The following ARMH3 variants were observed in gnomAD, a reference collection of about 807,000 sequenced individuals.
The protein encoded by ARMH3 is armadillo like helical domain containing 3, also known as armadillo-like helical domain-containing protein 3.
ARMH3 carries 60 observed loss-of-function variants against 99.1 expected under a neutral mutation model. The ratio of observed to expected loss-of-function variants is 0.61; its 90% CI spans 0.49 to 0.75. The LOEUF (loss-of-function observed/expected upper bound fraction) is 0.75, where lower values mean the gene tolerates loss of function less well. Among genes scored for constraint, ARMH3 ranks in the 30% least tolerant of loss-of-function variants. The pLI, the probability that ARMH3 is intolerant of heterozygous loss-of-function variation, is 0.00. For synonymous variants in ARMH3, 285 were observed against 292.8 expected (o/e 0.97, Z 0.27); for missense variants, 679 against 843.1 (o/e 0.81, Z 2.41).
chr10:101,961,638 A>G (rs1348590040), intron 20 of ARMH3, among the ~76,000 whole-genome samples: 1 of 152,150 alleles, frequency 6.6e-6, no homozygotes, highest in African/African-American at 2.4e-5. Flanking sequence ...TCAGGATCTC[A>G]GTGCCAACAC....
At chr10:101,953,541 C>G (rs1047945401) in intron 22 of ARMH3, among the ~76,000 whole-genome samples, 1 of 133,546 alleles carries the variant, frequency 7.5e-6, no homozygotes, top group East Asian at 2.7e-4. Context: ...CCGTGCCCAG[C>G]CTTTTTTTTT....
chr10:101,855,885 G>A (rs897324205), intron 24 of ARMH3, among the ~76,000 whole-genome samples: 2 of 151,766 alleles, frequency 1.3e-5, no homozygotes, highest in African/African-American at 2.4e-5. Flanking sequence ...CAGAAAGATT[G>A]TAAATTGCCC....
intron 2 of ARMH3, among the ~76,000 whole-genome samples, chr10:102,036,694 TCAC>T (rs1418786958): frequency 2.6e-5 from 4 of 151,870 alleles, no homozygotes; most frequent in African/African-American, 9.7e-5. Flanking sequence ...TTAAGAGTCA[TCAC>T]CACTCCCTAA....
chr10:101,924,175 A>C (rs1275886366), intron 23 of ARMH3, among the ~76,000 whole-genome samples: 3 of 152,228 alleles, frequency 2.0e-5, no homozygotes, highest in Non-Finnish European at 2.9e-5. Context: ...AGAAGCTAGA[A>C]TGATGGGCTG....
intron 24 of ARMH3, among the ~76,000 whole-genome samples, chr10:101,871,961 C>T (rs1214334865): frequency 2.0e-5 from 3 of 151,866 alleles, no homozygotes; most frequent in African/African-American, 7.3e-5. Flanking sequence ...GAATGTGCCA[C>T]TGCACTCCAG....
chr10:102,019,928 A>T (rs1386437524), intron 8 of ARMH3, among the ~76,000 whole-genome samples: 1 of 28,246 alleles, frequency 3.5e-5, no homozygotes, highest in Non-Finnish European at 9.4e-5. Context: ...ACTCTGTCTC[A>T]AAAAAAAAAA....
chr10:102,025,039 T>C, intron 6 of ARMH3, 117 bp downstream of exon 6: 1 of 830,888 alleles, frequency 1.2e-6, no homozygotes, highest in Non-Finnish European at 2.0e-6. Flanking sequence ...GAGGGAGTGA[T>C]GTAATACCCT....
chr10:101,936,912 G>A (rs1483563341), intron 23 of ARMH3, among the ~76,000 whole-genome samples: 1 of 152,158 alleles, frequency 6.6e-6, no homozygotes, highest in Non-Finnish European at 1.5e-5. Flanking sequence ...TAGTTCACTA[G>A]GAGCTTTCAT....
At chr10:101,898,470 C>T (rs574852936) in intron 23 of ARMH3, among the ~76,000 whole-genome samples, 9 of 152,254 alleles carry the variant, frequency 5.9e-5, no homozygotes, top group Non-Finnish European at 8.8e-5. Flanking sequence ...GAAGCATCTA[C>T]GAGTCTTTAA....
chr10:101,914,628 G>C (rs1019526910), intron 23 of ARMH3, among the ~76,000 whole-genome samples: 2 of 151,804 alleles, frequency 1.3e-5, no homozygotes, highest in Non-Finnish European at 2.9e-5. Flanking sequence ...CACTTTGGGA[G>C]GCCGAGGCAG....
At chr10:102,017,745 T>C (rs1483465894) in intron 8 of ARMH3, among the ~76,000 whole-genome samples, 1 of 152,188 alleles carries the variant, frequency 6.6e-6, no homozygotes, top group African/African-American at 2.4e-5. Context: ...TTCATATTTA[T>C]TAGGAGCTCT....
intron 19 of ARMH3, among the ~76,000 whole-genome samples, chr10:101,981,056 T>A (rs1160513997): frequency 1.3e-5 from 2 of 149,988 alleles, no homozygotes; most frequent in East Asian, 2.0e-4. Flanking sequence ...CTAGGGCCTG[T>A]TGGGGGGTTG....
At chr10:101,850,023 C>G in intron 24 of ARMH3, 131 bp from the exon 25 acceptor site, 1 of 690,600 alleles carries the variant, frequency 1.4e-6, no homozygotes, top group South Asian at 2.0e-5. Context: ...TATTACTTAT[C>G]TTCCAGAAAA....
chr10:101,873,449 C>A (rs1017623267), intron 24 of ARMH3, among the ~76,000 whole-genome samples: 13 of 151,898 alleles, frequency 8.6e-5, no homozygotes, highest in African/African-American at 2.4e-4. Context: ...AAAAACCCAG[C>A]GTGGCAGTTT....
rs1328792113 is a variant in ARMH3 at position 102,033,311 on chromosome 10, C to G, written c.131G>C (p.Arg44Pro). The change falls in exon 3 of 26, where the codon CGG becomes CCG. Residue 44 changes from arginine to proline, a missense_variant. By Grantham distance (103) the Arg-to-Pro change is moderately radical. Around this residue, in one of 3 missense-constraint regions of ARMH3, gnomAD observed 280 missense variants for 354.6 expected, o/e 0.79. Coordinates refer to ENST00000370033, the MANE Select transcript of ARMH3 (RefSeq NM_024541.3). ...CATGAGAAAGAGCTCCTCCCAAAAC[C>G]GAGGACTGCACTTACTGGGGTCCTC... ...MTEDPSKCSP[R>P]FWEELFLMKV... The G allele has an allele frequency of 6.2e-7, 1 of 1,614,040 alleles. No homozygotes were observed. Among genetic ancestry groups the G allele is most frequent in the Non-Finnish European group, 8.5e-7 (1 of 1,180,046 alleles).
At position 102,007,607 on chromosome 10, in the gene ARMH3, T is replaced by C. The variant is rs1590174053; in HGVS notation, c.955-974A>G. On this transcript the variant is annotated intron_variant, in intron 13 of 25. Coordinates refer to ENST00000370033, the MANE Select transcript of ARMH3 (RefSeq NM_024541.3). ...AGGCCGAGGCAGATGGACCACGAGGTCAGGGGATCAAGACCATCCTGGCTA... is the reference window on the plus strand; with the variant it reads ...AGGCCGAGGCAGATGGACCACGAGGCCAGGGGATCAAGACCATCCTGGCTA... 2.2e-5 allele frequency among the ~76,000 whole-genome samples: 3 copies of C among 134,786 alleles called. No individual in the cohort carries two copies. The South Asian group carries it at 6.8e-4, about 31-fold the overall frequency. The allele number at this position is 134,786 out of a possible 152,430, so 88.4% of individuals were successfully genotyped here. A position where few individuals can be genotyped will look rare whatever the true frequency, so the allele number is the denominator to read the frequency against.
At chr10:101,923,157 C>T (rs932101508) in intron 23 of ARMH3, among the ~76,000 whole-genome samples, 1 of 152,068 alleles carries the variant, frequency 6.6e-6, no homozygotes, top group African/African-American at 2.4e-5. Flanking sequence ...TAATCAAAAC[C>T]TACATGAAAA....
chr10:101,926,241 A>G (rs909748916), intron 23 of ARMH3, among the ~76,000 whole-genome samples: 1 of 152,164 alleles, frequency 6.6e-6, no homozygotes. Flanking sequence ...AGGCTGGAGT[A>G]CAGTGGTGTG....
intron 25 of ARMH3, 133 bp downstream of exon 25, chr10:101,849,643 G>C (rs2066540561): frequency 1.4e-6 from 1 of 694,460 alleles, no homozygotes; most frequent in South Asian, 1.8e-5. Context: ...CAATGGGGGA[G>C]AGAAGTTGCA....
Sources: allele counts gnomAD v4.1 joint callset (sites outside exome capture counted in the v4.1 genomes callset), GRCh38; gene constraint gnomAD v4.1.1; regional missense constraint gnomAD v4.1.1; transcripts MANE v1.5; gene names NCBI Gene and HGNC (gene_info 2026-07-23, HGNC 2026-07-21).